EIF2B3: variants seen among roughly 807,000 people sequenced by gnomAD.
The protein encoded by EIF2B3 is eukaryotic translation initiation factor 2B subunit gamma.
In EIF2B3, 20 loss-of-function variants were observed where a neutral mutation model predicts 54.1. That is an observed-to-expected ratio of 0.37 (90% CI 0.26 to 0.54). The LOEUF (loss-of-function observed/expected upper bound fraction) is 0.54. Ranked by LOEUF, EIF2B3 falls within the 20% of genes least tolerant of loss-of-function variation. The pLI is 0.86. For missense variants in EIF2B3, 448 were observed against 547.8 expected (o/e 0.82, Z 1.82); for synonymous variants, 153 against 188.1 (o/e 0.81, Z 1.52).
chr1:44,897,267 A>T, intron 6 of EIF2B3, 88 bp downstream of exon 6: 1 of 944,440 alleles, frequency 1.1e-6, no homozygotes, highest in Middle Eastern at 2.1e-4. Context: ...GAAACTGGTT[A>T]TCTAAATTAT....
In EIF2B3 at chr1:44,912,637, A is replaced by G. The variant is rs139112494; in HGVS notation, c.566+13991T>C. Among the ~76,000 whole-genome samples the G allele has an allele frequency of 2.0e-4, 31 of 152,264 alleles. No homozygotes were observed. In the East Asian group the frequency reaches 5.6e-3, roughly 27 times the overall value. ...CATGTCCCTTTCCATATCCGGACCAAATCAATCCTTCAAGTCTGAATTATT... is the reference window on the plus strand; with the variant it reads ...CATGTCCCTTTCCATATCCGGACCAGATCAATCCTTCAAGTCTGAATTATT... On this transcript the variant is annotated intron_variant, in intron 5 of 11. Transcript: ENST00000360403.
At chr1:44,958,856 A>ACAT (rs1191338900) in intron 3 of EIF2B3, 1 of 894,970 alleles carries the variant, frequency 1.1e-6, no homozygotes, top group Non-Finnish European at 1.9e-6. Flanking sequence ...CATATCAGGT[A>ACAT]CATCAGGAAC....
chr1:44,853,472 G>A (rs1466547580), intron 11 of EIF2B3, among the ~76,000 whole-genome samples: 1 of 152,126 alleles, frequency 6.6e-6, no homozygotes, highest in Non-Finnish European at 1.5e-5. Context: ...GCTGGATGTG[G>A]TGGCATATGC....
Position 44,870,387 on chromosome 1 carries a change from C to A in EIF2B3, c.1202+4291G>T, listed in dbSNP as rs184858775. On this transcript the variant is annotated intron_variant, in intron 10 of 11. Transcript: ENST00000360403. ...GTCTCCCACAAATCTGTCCCTCCTT[C>A]CTCATCTCAGTGAGTGCACCACCAT... Among the ~76,000 whole-genome samples the A allele has an allele frequency of 3.9e-5, 6 of 152,278 alleles. No individual in the cohort carries two copies. The East Asian group carries it at 1.2e-3, about 29-fold the overall frequency.
chr1:44,957,577 A>G (rs1644240902), intron 3 of EIF2B3, among the ~76,000 whole-genome samples: 1 of 152,100 alleles, frequency 6.6e-6, no homozygotes, highest in Admixed American at 6.6e-5. Flanking sequence ...CCTGGCCAAC[A>G]TGACAAAACC....
chr1:44,958,886 T>C (rs1644255558), intron 3 of EIF2B3: 2 of 836,418 alleles, frequency 2.4e-6, no homozygotes, highest in Non-Finnish European at 4.2e-6. Flanking sequence ...AAGAACACAA[T>C]TTCATCAAGG....
chr1:44,869,593 CTTTTTTTTTTTTT>C (rs60006087), intron 10 of EIF2B3, among the ~76,000 whole-genome samples: 1 of 71,188 alleles, frequency 1.4e-5, no homozygotes, highest in African/African-American at 6.4e-5. Context: ...GAGGTAAGGC[CTTTTTTTTTTTTT>C]TTTTTTTTTT....
chr1:44,917,417 C>T (rs908431902), intron 5 of EIF2B3, among the ~76,000 whole-genome samples: 2 of 150,346 alleles, frequency 1.3e-5, no homozygotes, highest in Non-Finnish European at 2.9e-5. Context: ...ATCTTGAACC[C>T]GGGAGGCAGA....
At chr1:44,853,429 T>TA (rs1162738509) in intron 11 of EIF2B3, among the ~76,000 whole-genome samples, 1 of 151,942 alleles carries the variant, frequency 6.6e-6, no homozygotes, top group Non-Finnish European at 1.5e-5. Flanking sequence ...GGGCAATAGT[T>TA]AGACACCATC....
chr1:44,959,633 C>T (rs435311), intron 3 of EIF2B3, among the ~76,000 whole-genome samples: 10 of 152,032 alleles, frequency 6.6e-5, no homozygotes, highest in African/African-American at 2.2e-4. Context: ...TATCTAGATA[C>T]GACTCCCCAG....
At chr1:44,857,914 G>A in intron 10 of EIF2B3, 107 bp from the exon 11 acceptor site, 1 of 1,047,540 alleles carries the variant, frequency 9.5e-7, no homozygotes, top group Non-Finnish European at 1.5e-6. Context: ...CAGCTGGGCA[G>A]TCCAGTTAAT....
rs641114 is a variant in EIF2B3, at chr1:44,984,964, G to A, written c.-10+1529C>T. On this transcript the variant is annotated intron_variant, in intron 1 of 11. Transcript: ENST00000360403. ...TGGGACTACAGGCACCCGCCACCGC[G>A]CCCGGCTAATTTTTTGTATTTTTAG... Among the ~76,000 whole-genome samples, 997 of 149,704 alleles carry A rather than the reference G, an allele frequency of 6.7e-3. 13 individuals carry two copies. Among genetic ancestry groups the A allele is most frequent in the African/African-American group, 0.023 (947 of 40,532 alleles).
chr1:44,875,620 G>C lies in EIF2B3; in HGVS notation c.1051C>G (p.Leu351Val). ...GTCCTGGCCACACTAGCACTTACCA[G>C]GTGTTTGCTGACAATCTGGGCTGAC... Reference protein sequence around the residue: ...HSSAQIVSKHLVGVDSLIGPE... With the variant: ...HSSAQIVSKHVVGVDSLIGPE... The change falls in exon 9 of 12, where the codon CTG becomes GTG. Residue 351 changes from leucine to valine, a missense_variant and splice_region_variant. Leu to Val is a conservative substitution (Grantham distance 32). Transcript: ENST00000360403. 1 of 1,614,100 alleles carries C rather than the reference G, an allele frequency of 6.2e-7. No individual in the cohort carries two copies. Among genetic ancestry groups the C allele is most frequent in the South Asian group, 1.1e-5 (1 of 91,078 alleles).
intron 5 of EIF2B3, among the ~76,000 whole-genome samples, chr1:44,904,145 C>T (rs1348237745): frequency 6.6e-6 from 1 of 152,110 alleles, no homozygotes; most frequent in African/African-American, 2.4e-5. Context: ...TATGGCTGCA[C>T]AGAATGACTT....
chr1:44,885,036 A>C (rs1237059781), intron 6 of EIF2B3, among the ~76,000 whole-genome samples: 1 of 152,246 alleles, frequency 6.6e-6, no homozygotes, highest in Non-Finnish European at 1.5e-5. Flanking sequence ...GAGCTGTGCC[A>C]AGAAATGTTA....
chr1:44,978,006 G>T (rs535796052), intron 3 of EIF2B3, among the ~76,000 whole-genome samples: 1 of 152,166 alleles, frequency 6.6e-6, no homozygotes, highest in African/African-American at 2.4e-5. Flanking sequence ...TTGGAAGGCC[G>T]AGGAGGGTGG....
chr1:44,916,478 T>G (rs528550563), intron 5 of EIF2B3, among the ~76,000 whole-genome samples: 73 of 150,004 alleles, frequency 4.9e-4, no homozygotes, highest in Middle Eastern at 6.8e-3. Context: ...TCCTCCCACC[T>G]TGGCCTCCCA....
chr1:44,926,955 C>T (rs569585813), intron 4 of EIF2B3, among the ~76,000 whole-genome samples: 5 of 151,096 alleles, frequency 3.3e-5, no homozygotes, highest in Non-Finnish European at 7.4e-5. Context: ...GCCAACATGG[C>T]GAAAGACTGT....
rs745499706 is a variant in EIF2B3 at position 44,941,627 on chromosome 1, G to A, written c.333C>T (p.Asp111=). The A allele has an allele frequency of 5.1e-5, 83 of 1,613,936 alleles. No individual in the cohort carries two copies. The highest frequency in any genetic ancestry group is 6.5e-5 in the Non-Finnish European group (77 of 1,180,016). Residue 111 remains aspartate, a synonymous_variant, in exon 4 of 12, where the codon GAC becomes GAT. Coordinates refer to ENST00000360403, the MANE Select transcript of EIF2B3 (RefSeq NM_020365.5). ...GGTCCACAACCTCATGTAAGGCAAC[G>A]TCTGTTATCAGATCACAGCTCAGCA... ...VLVLSCDLIT[D]VALHEVVDLF... is the part of the protein sequence containing the mutation.
Sources: gnomAD v4.1 joint callset for allele counts (sites outside exome capture counted in the v4.1 genomes callset) on GRCh38, gnomAD v4.1.1 for gene constraint, MANE v1.5 for transcripts, NCBI Gene and HGNC (gene_info 2026-07-23, HGNC 2026-07-21) for gene names.